SEMA4D: variants seen among roughly 807,000 people sequenced by gnomAD.
SEMA4D encodes the protein semaphorin-4D.
Under a neutral mutation model 74.8 loss-of-function variants are expected in SEMA4D, and 22 were observed. That is an observed-to-expected ratio of 0.29 (90% CI 0.21 to 0.42). The LOEUF is 0.42. Among genes scored for constraint, SEMA4D ranks in the 10% least tolerant of loss-of-function variants. The pLI is 1.00. For missense variants in SEMA4D, 937 were observed against 1,118.4 expected (o/e 0.84, Z 2.31); for synonymous variants, 445 against 463.7 (o/e 0.96, Z 0.52).
chr9:89,497,726 G>A (rs1826145963), intron 1 of SEMA4D, among the ~76,000 whole-genome samples, 193 bp downstream of exon 1: 1 of 151,308 alleles, frequency 6.6e-6, no homozygotes, highest in Non-Finnish European at 1.5e-5. Context: ...AGGGGCCCCG[G>A]GGGGATCCAG....
intron 2 of SEMA4D, among the ~76,000 whole-genome samples, chr9:89,433,290 G>A (rs775023098): frequency 2.6e-5 from 2 of 76,438 alleles, no homozygotes; most frequent in Non-Finnish European, 5.8e-5. Flanking sequence ...GGCAGCAGAC[G>A]GACTGAGGGT....
chr9:89,473,222 C>T (rs1436871302), intron 1 of SEMA4D, among the ~76,000 whole-genome samples: 2 of 152,268 alleles, frequency 1.3e-5, no homozygotes, highest in East Asian at 3.9e-4. Flanking sequence ...ACAACAACAA[C>T]AACAAAACAT....
At chr9:89,496,956 C>G (rs1826066512) in intron 1 of SEMA4D, among the ~76,000 whole-genome samples, 1 of 152,242 alleles carries the variant, frequency 6.6e-6, no homozygotes, top group Non-Finnish European at 1.5e-5. Context: ...TGGCCACCCA[C>G]GAGCCTGGGA....
At chr9:89,376,931 T>G (rs1169317905), downstream of SEMA4D, 5 of 1,550,644 alleles carry the variant, frequency 3.2e-6, no homozygotes, top group African/African-American at 6.8e-5. Context: ...CGAGCTGCTG[T>G]CGGGCCCCGC....
At chr9:89,376,933 G>A (rs887023206), downstream of SEMA4D, 17 of 1,550,670 alleles carry the variant, frequency 1.1e-5, no homozygotes, top group Non-Finnish European at 1.2e-5. Context: ...AGCTGCTGTC[G>A]GGCCCCGCAC....
At chr9:89,458,044 CAACA>C (rs897231923) in intron 1 of SEMA4D, among the ~76,000 whole-genome samples, 1 of 152,068 alleles carries the variant, frequency 6.6e-6, no homozygotes, top group South Asian at 2.1e-4. Context: ...AACAAACAAA[CAACA>C]AACAACAAAA....
chr9:89,491,571 AAAC>A (rs35705317), intron 1 of SEMA4D, among the ~76,000 whole-genome samples: 150 of 150,758 alleles, frequency 9.9e-4, no homozygotes, highest in African/African-American at 2.4e-3. Context: ...TCTGTCTCAA[AAAC>A]AACAACAACA....
In SEMA4D at chr9:89,405,446, C is replaced by T. The variant is rs762962562; in HGVS notation, c.11G>A (p.Cys4Tyr). ...CATGAGCAGCCCCCTAATGGGGGTGCACATCCTCATCAGGTAGAGGCGACC... is the reference window on the plus strand; with the variant it reads ...CATGAGCAGCCCCCTAATGGGGGTGTACATCCTCATCAGGTAGAGGCGACC... MRM[C>Y]TPIRGLLMAL... is the part of the protein sequence containing the mutation. Residue 4 changes from cysteine to tyrosine, a missense_variant, in exon 3 of 16, where the codon TGC (cysteine) becomes TAC (tyrosine). Transcript: ENST00000422704. 3.4e-5 allele frequency: 55 copies of T among 1,613,808 alleles called. No homozygotes were observed. In the Admixed American group the frequency reaches 9.0e-4, roughly 26 times the overall value.
intron 1 of SEMA4D, among the ~76,000 whole-genome samples, chr9:89,489,514 C>T (rs1825463707): frequency 1.3e-5 from 2 of 152,218 alleles, no homozygotes; most frequent in Non-Finnish European, 2.9e-5. Flanking sequence ...TCCCCCACCT[C>T]CCCAGCTCCT....
chr9:89,429,679 G>A (rs567141160), intron 2 of SEMA4D, among the ~76,000 whole-genome samples: 12 of 152,166 alleles, frequency 7.9e-5, no homozygotes, highest in African/African-American at 2.7e-4. Context: ...GGTCCCAGCC[G>A]GGTGACAGTG....
rs1287746185 is a variant in SEMA4D at position 89,461,704 on chromosome 9, T to TTTCTCTC, written c.-309-5752_-309-5751insGAGAGAA. ...CAATGTGTATTTCTTTTTTCTCTTT[T>TTTCTCTC]TTTTTTTTTTTTTTTGGAGACAGAG... is the stretch of plus-strand genomic sequence containing the variant. On this transcript the variant is annotated intron_variant, in intron 1 of 15. Transcript: ENST00000422704. 9.7e-3 allele frequency among the ~76,000 whole-genome samples: 1,107 copies of TTTCTCTC among 113,800 alleles called. 30 individuals carry two copies. The highest frequency in any genetic ancestry group is 0.037 in the African/African-American group (1,035 of 27,952). The allele number at this position is 113,800 out of a possible 152,430, so 74.7% of individuals were successfully genotyped here. A position where few individuals can be genotyped will look rare whatever the true frequency, so the allele number is the denominator to read the frequency against.
chr9:89,411,827 G>A (rs1278802085), intron 2 of SEMA4D, among the ~76,000 whole-genome samples: 3 of 152,186 alleles, frequency 2.0e-5, no homozygotes, highest in Non-Finnish European at 4.4e-5. Context: ...GCTCAAACAC[G>A]CTGTAAAAAT....
intron 2 of SEMA4D, among the ~76,000 whole-genome samples, chr9:89,421,407 G>A (rs371799653): frequency 1.3e-5 from 2 of 152,220 alleles, no homozygotes; most frequent in African/African-American, 2.4e-5. Flanking sequence ...GACAGGGCCC[G>A]GAGGACATGT....
chr9:89,387,201 C>G, intron 12 of SEMA4D, 185 bp downstream of exon 12: 1 of 579,102 alleles, frequency 1.7e-6, no homozygotes, highest in East Asian at 2.9e-5. Flanking sequence ...CTGGTGGTCC[C>G]AGATCTGAAA....
chr9:89,415,886 G>A (rs73486111), intron 2 of SEMA4D, among the ~76,000 whole-genome samples: 54 of 152,256 alleles, frequency 3.5e-4, no homozygotes, highest in African/African-American at 1.1e-3. Flanking sequence ...CACTGGTAGC[G>A]CCTTTGATAT....
At chr9:89,432,445 C>T (rs1849482784) in intron 2 of SEMA4D, among the ~76,000 whole-genome samples, 1 of 152,114 alleles carries the variant, frequency 6.6e-6, no homozygotes, top group South Asian at 2.1e-4. Flanking sequence ...GTGAGGGGCG[C>T]CCTCCAGCAC....
intron 1 of SEMA4D, among the ~76,000 whole-genome samples, chr9:89,469,344 T>C (rs549804241): frequency 1.5e-5 from 2 of 131,630 alleles, no homozygotes; most frequent in Non-Finnish European, 3.4e-5. Context: ...CTTACATGTT[T>C]GGTAGAATTT....
At chr9:89,420,456 A>G (rs189784306) in intron 2 of SEMA4D, among the ~76,000 whole-genome samples, 18 of 152,328 alleles carry the variant, frequency 1.2e-4, no homozygotes, top group African/African-American at 4.3e-4. Context: ...TAATTAGGAG[A>G]GAGAAGCATT....
At chr9:89,473,242 GAGCA>G (rs1477396381) in intron 1 of SEMA4D, among the ~76,000 whole-genome samples, 1 of 152,192 alleles carries the variant, frequency 6.6e-6, no homozygotes, top group Non-Finnish European at 1.5e-5. Context: ...TCCTAGGCCT[GAGCA>G]AGCAGTGCTC....
Sources: allele counts gnomAD v4.1 joint callset (sites outside exome capture counted in the v4.1 genomes callset), GRCh38; gene constraint gnomAD v4.1.1; transcripts MANE v1.5; gene names NCBI Gene and HGNC (gene_info 2026-07-23, HGNC 2026-07-21).